Variants in ZNF616 observed in about 807,000 individuals in gnomAD.
ZNF616 encodes zinc finger protein 616.
In ZNF616, 5 loss-of-function variants were observed where a neutral mutation model predicts 7.6. That is an observed-to-expected ratio of 0.66 (90% confidence interval 0.34 to 1.38). The LOEUF is 1.38. Among genes scored for constraint, ZNF616 ranks in the 40% most tolerant of loss-of-function variants. ZNF616 has a pLI of 0.04. For synonymous variants in ZNF616, 319 were observed against 317.2 expected, an observed-to-expected ratio of 1.01 and a Z score of -0.06; for missense variants, 913 against 948.3, an observed-to-expected ratio of 0.96 and a Z score of 0.49.
At position 52,115,548 on chromosome 19, in the gene ZNF616, T is replaced by C; in HGVS notation, c.1616A>G (p.His539Arg). The C allele has an allele frequency of 3.7e-6, 6 of 1,614,040 alleles. No homozygotes were observed. The highest frequency in any genetic ancestry group is 1.6e-4 in the Middle Eastern group (1 of 6,062). The change falls in exon 4 of 4, where the codon CAT (histidine) becomes CGT (arginine). Residue 539 changes from histidine to arginine, a missense_variant. His to Arg is a conservative substitution (Grantham distance 29). Transcript: ENST00000600228. ...VFSDRSAFAR[H>R]RRIHTGEKPY... is the part of the protein sequence containing the mutation. The stretch of plus-strand genomic sequence containing the variant: ...CTTCTCTCCAGTATGAATTCTCCGA[T>C]GCCTTGCAAAAGCTGAACGGTCACT...
At position 52,113,228 on chromosome 19, in the gene ZNF616, A is replaced by G. The variant is rs2088786690; in HGVS notation, c.*1590T>C. 1.3e-5 allele frequency: 2 copies of G among 152,214 alleles called. No individual in the cohort carries two copies. The highest frequency in any genetic ancestry group is 6.5e-5 in the Admixed American group (1 of 15,272). 9.4% of individuals were successfully genotyped at this position (152,214 alleles called of 1,614,324 possible). ...TAATATTCCAGGCCAATCTTGGAGAAGCAGATTTGGTTATCCCTAGTATGA... is the reference window on the plus strand; with the variant it reads ...TAATATTCCAGGCCAATCTTGGAGAGGCAGATTTGGTTATCCCTAGTATGA... On this transcript the variant is annotated 3_prime_UTR_variant, in exon 4 of 4. Coordinates refer to ENST00000600228, the MANE Select transcript of ZNF616 (RefSeq NM_178523.5).
rs2089038670 is a variant in ZNF616, at chr19:52,139,314, A to G, written c.-77+418T>C. Among the ~76,000 whole-genome samples, 1 of 152,198 alleles carries G rather than the reference A, an allele frequency of 6.6e-6. No homozygotes were observed. The highest frequency in any genetic ancestry group is 2.4e-5 in the African/African-American group (1 of 41,456). On this transcript the variant is annotated intron_variant, in intron 1 of 3. Coordinates refer to ENST00000600228, the MANE Select transcript of ZNF616 (RefSeq NM_178523.5). This position sits in a 1 kb window ranked among gnomAD's most constrained non-coding sequence, Gnocchi z 4.1. Reference sequence around the variant, plus strand: ...GGGTGACCTCCTGCAACGCGGAGTCAGGAAAAGCAGTGGCTGTGAAGGGGC... The same window carrying G: ...GGGTGACCTCCTGCAACGCGGAGTCGGGAAAAGCAGTGGCTGTGAAGGGGC...
At chr19:52,123,838 C>T (rs758511340) in intron 3 of ZNF616, 85 bp downstream of exon 3, 49 of 1,553,958 alleles carry the variant, frequency 3.2e-5, no homozygotes, top group East Asian at 9.0e-5. Context: ...TCTCAAATAA[C>T]GGAGGGGTTC....
At position 52,116,200 on chromosome 19, in the gene ZNF616, C is replaced by G; in HGVS notation, c.964G>C (p.Glu322Gln). 1 of 1,614,138 alleles carries G rather than the reference C, an allele frequency of 6.2e-7. No individual in the cohort carries two copies. Residue 322 changes from glutamate to glutamine, a missense_variant, in exon 4 of 4, where the codon GAG becomes CAG. Glu to Gln is a conservative substitution (Grantham distance 29). Transcript: ENST00000600228. ...CACTCATTACATTTGAAGGGTCTCT[C>G]TCCAGTATGAACTGTCTGATGAAGT... ...LRLHQTVHTG[E>Q]RPFKCNECGK...
intron 2 of ZNF616, among the ~76,000 whole-genome samples, chr19:52,128,358 C>T (rs913857062): frequency 6.6e-6 from 1 of 152,034 alleles, no homozygotes. Flanking sequence ...TTTTCCTTTA[C>T]TGCATTCTAG....
rs566503514 is a variant in ZNF616 at position 52,114,789 on chromosome 19, T to C, written c.*29A>G. ...AAGGTATATCAGTAAGTAGGAATTATTCGGTGATTCCAGAAACTAGGACAA... is the reference window on the plus strand; with the variant it reads ...AAGGTATATCAGTAAGTAGGAATTACTCGGTGATTCCAGAAACTAGGACAA... On this transcript the variant is annotated 3_prime_UTR_variant, in exon 4 of 4. Coordinates refer to ENST00000600228, the MANE Select transcript of ZNF616 (RefSeq NM_178523.5). 1.6e-5 allele frequency: 24 copies of C among 1,533,000 alleles called. No individual in the cohort carries two copies. In the East Asian group the frequency reaches 4.7e-4, roughly 30 times the overall value. The allele number at this position is 1,533,000 out of a possible 1,614,324, so 95.0% of individuals were successfully genotyped here. A position where few individuals can be genotyped will look rare whatever the true frequency, so the allele number is the denominator to read the frequency against.
At chr19:52,128,260 G>A (rs776014714) in intron 2 of ZNF616, among the ~76,000 whole-genome samples, 3 of 151,138 alleles carry the variant, frequency 2.0e-5, no homozygotes, top group Admixed American at 6.6e-5. Context: ...AAAACCCTTC[G>A]TATTTCCATT....
In ZNF616 at chr19:52,115,066, G is replaced by C. The variant is rs2088805863; in HGVS notation, c.2098C>G (p.His700Asp). The C allele has an allele frequency of 6.2e-7, 1 of 1,613,980 alleles. No homozygotes were observed. The highest frequency in any genetic ancestry group is 8.5e-7 in the Non-Finnish European group (1 of 1,180,018). Residue 700 changes from histidine to aspartate, a missense_variant, in exon 4 of 4, where the codon CAT becomes GAT. Coordinates refer to ENST00000600228, the MANE Select transcript of ZNF616 (RefSeq NM_178523.5). Reference sequence around the variant, plus strand: ...TGGTGACTTACAAGATGTGAACTATGCCTGAATACCTTGCCACATTCATCA... The same window carrying C: ...TGGTGACTTACAAGATGTGAACTATCCCTGAATACCTTGCCACATTCATCA... ...KCDECGKVFR[H>D]SSHLVSHQRI...
At chr19:52,136,051 A>G (rs2089003872) in intron 1 of ZNF616, among the ~76,000 whole-genome samples, 1 of 144,530 alleles carries the variant, frequency 6.9e-6, no homozygotes, top group Non-Finnish European at 1.5e-5. Context: ...ACTCGCTAGA[A>G]CCCAGGAGGC....
Position 52,115,731 on chromosome 19 carries a change from G to A in ZNF616, c.1433C>T (p.Ser478Leu). The change falls in exon 4 of 4, where the codon TCA becomes TTA. Residue 478 changes from serine (S) to leucine (L), a missense_variant. By Grantham distance (145) the Ser-to-Leu change is moderately radical (BLOSUM62 -2). Coordinates refer to ENST00000600228, the MANE Select transcript of ZNF616 (RefSeq NM_178523.5). Reference protein sequence around the residue: ...NECGKVFSIHSRLAAHQRIHT... With the variant: ...NECGKVFSIHLRLAAHQRIHT... ...AATTCTCTGATGAGCTGCAAGTCGT[G>A]AATGTATGCTGAAAACTTTGCCACA... is the stretch of plus-strand genomic sequence containing the variant. 1 of 1,614,144 alleles carries A rather than the reference G, an allele frequency of 6.2e-7. No homozygotes were observed. The highest frequency in any genetic ancestry group is 1.6e-4 in the Middle Eastern group (1 of 6,062).
At chr19:52,134,502 T>C (rs1158717909) in intron 1 of ZNF616, among the ~76,000 whole-genome samples, 1 of 152,124 alleles carries the variant, frequency 6.6e-6, no homozygotes, top group African/African-American at 2.4e-5. Flanking sequence ...ACCTACTACT[T>C]TCGAAATGGT....
intron 2 of ZNF616, among the ~76,000 whole-genome samples, chr19:52,129,108 T>C (rs115551788): frequency 0.023 from 3,530 of 151,724 alleles, 128 homozygotes; most frequent in African/African-American, 0.081. Flanking sequence ...CCCCCCACCA[T>C]CTCCACTAAA....
At chr19:52,127,330 C>T (rs1340749494) in intron 2 of ZNF616, among the ~76,000 whole-genome samples, 1 of 152,170 alleles carries the variant, frequency 6.6e-6, no homozygotes, top group African/African-American at 2.4e-5. Flanking sequence ...GCCTGGATTA[C>T]AGGTGTGAGC....
intron 1 of ZNF616, among the ~76,000 whole-genome samples, chr19:52,136,301 T>G (rs955824027): frequency 6.6e-6 from 1 of 151,998 alleles, no homozygotes; most frequent in Non-Finnish European, 1.5e-5. Context: ...ACCAACATGG[T>G]GAAACCCCCG....
At chr19:52,122,635 CA>C (rs1458233437) in intron 3 of ZNF616, among the ~76,000 whole-genome samples, 1 of 149,964 alleles carries the variant, frequency 6.7e-6, no homozygotes. Context: ...ATTCCATTAA[CA>C]ATTTTTTTTT....
chr19:52,126,910 T>A (rs1299148844), intron 2 of ZNF616, among the ~76,000 whole-genome samples: 1 of 152,130 alleles, frequency 6.6e-6, no homozygotes, highest in Non-Finnish European at 1.5e-5. Flanking sequence ...TTACTGAACT[T>A]TACATAAGCA....
rs749126920 is a variant in ZNF616, at chr19:52,116,741, T to C, written c.423A>G (p.Thr141=). The C allele has an allele frequency of 7.5e-5, 121 of 1,614,074 alleles. No individual in the cohort carries two copies. Among genetic ancestry groups the C allele is most frequent in the Middle Eastern group, 1.6e-4 (1 of 6,084 alleles). The part of the protein sequence containing the change: ...VENNHIENQL[T]SNFESRLAEL... ...CAGCCAGACGTGACTCAAAGTTTGA[T>C]GTAAGCTGGTTTTCAATATGATTGT... The change falls in exon 4 of 4, where the codon ACA becomes ACG. Residue 141 remains threonine, a synonymous_variant. Transcript: ENST00000600228.
At chr19:52,137,049 A>ATGTG (rs1230556291) in intron 1 of ZNF616, among the ~76,000 whole-genome samples, 14 of 79,564 alleles carry the variant, frequency 1.8e-4, no homozygotes, top group African/African-American at 5.9e-4. Flanking sequence ...ATATTTATGT[A>ATGTG]TGTGTATATA....
In ZNF616 at chr19:52,114,676, C is replaced by T. The variant is rs527403136; in HGVS notation, c.*142G>A. On this transcript the variant is annotated 3_prime_UTR_variant, in exon 4 of 4. Coordinates refer to ENST00000600228, the MANE Select transcript of ZNF616 (RefSeq NM_178523.5). ...CTTTCTCAGTTTGAGAAATCCACTT[C>T]CATGATTCAATCACCTCCCAATGGG... 5 of 980,308 alleles carry T rather than the reference C, an allele frequency of 5.1e-6. No individual in the cohort carries two copies. The highest frequency in any genetic ancestry group is 7.3e-6 in the Non-Finnish European group (5 of 682,664). 60.7% of individuals were successfully genotyped at this position (980,308 alleles called of 1,614,324 possible).
Sources: gnomAD v4.1 joint callset for allele counts (sites outside exome capture counted in the v4.1 genomes callset) on GRCh38, gnomAD v4.1.1 for gene constraint, Gnocchi (gnomAD v3.1) non-coding constraint, MANE v1.5 for transcripts, NCBI Gene and HGNC (gene_info 2026-07-23, HGNC 2026-07-21) for gene names.